The following PATJ variants were observed in gnomAD, a reference collection of about 807,000 sequenced individuals.
PATJ encodes the protein PATJ crumbs cell polarity complex component.
A neutral mutation model predicts 224.9 loss-of-function variants in PATJ; 190 were observed. The ratio of observed to expected loss-of-function variants is 0.84; its 90% CI spans 0.75 to 0.95. The LOEUF is 0.95. PATJ is among the 40% of genes least tolerant of loss of function. The pLI is 0.00. For missense variants in PATJ, 2,121 were observed against 2,270.3 expected (o/e 0.93, Z 1.34); for synonymous variants, 769 against 820.3 (o/e 0.94, Z 1.07).
chr1:62,083,500 G>T (rs1037516535), intron 32 of PATJ, among the ~76,000 whole-genome samples: 1 of 151,776 alleles, frequency 6.6e-6, no homozygotes, highest in East Asian at 1.9e-4. Flanking sequence ...ATAAACAGGT[G>T]TTAGTAAACA....
chr1:61,814,130 CTTTTT>C (rs762502160), intron 14 of PATJ, among the ~76,000 whole-genome samples: 9 of 85,912 alleles, frequency 1.0e-4, no homozygotes, highest in African/African-American at 2.9e-4. Context: ...TTATTCTCTT[CTTTTT>C]TTTTTTTTTT....
At chr1:61,836,408 T>C (rs923490070) in intron 17 of PATJ, among the ~76,000 whole-genome samples, 1 of 152,252 alleles carries the variant, frequency 6.6e-6, no homozygotes, top group Admixed American at 6.5e-5. Context: ...GTGCTTCTTA[T>C]AGAACATAAC....
chr1:62,039,046 A>T (rs1487510322), intron 30 of PATJ: 1 of 958,628 alleles, frequency 1.0e-6, no homozygotes. Flanking sequence ...AGCATCAGAT[A>T]ATGGGAACAT....
Position 61,779,114 on chromosome 1 carries a change from T to G in PATJ, c.849+3780T>G, listed in dbSNP as rs562789712. Among the ~76,000 whole-genome samples the G allele has an allele frequency of 6.1e-4, 93 of 152,324 alleles. 1 individual carries two copies. The South Asian group carries it at 0.018, about 30-fold the overall frequency. On this transcript the variant is annotated intron_variant, in intron 7 of 43. Coordinates refer to ENST00000642238, the MANE Select transcript of PATJ (RefSeq NM_001350145.3). ...TATTTTAAAAATTCCTCAGTACCAA[T>G]TTTTGCATATGTATACATTTGTGGA...
At chr1:62,153,533 ATTTCT>A (rs1369340490) in intron 43 of PATJ, 52 bp downstream of exon 43, 127 of 1,163,818 alleles carry the variant, frequency 1.1e-4, no homozygotes, top group Admixed American at 1.3e-4. Flanking sequence ...CCTAGGTGAG[ATTTCT>A]TTTAAGTGCT....
At chr1:61,918,927 C>T (rs1673863509) in intron 26 of PATJ, among the ~76,000 whole-genome samples, 1 of 151,746 alleles carries the variant, frequency 6.6e-6, no homozygotes. Context: ...CACTGCACTC[C>T]AGCCTAGGGG....
At chr1:61,799,703 C>A (rs764251797) in intron 11 of PATJ, among the ~76,000 whole-genome samples, 2 of 152,056 alleles carry the variant, frequency 1.3e-5, no homozygotes, top group Non-Finnish European at 2.9e-5. Context: ...CCCTCACCCC[C>A]GCTCCACCAG....
At chr1:61,772,931 C>T (rs1008862308) in intron 6 of PATJ, among the ~76,000 whole-genome samples, 13 of 152,308 alleles carry the variant, frequency 8.5e-5, no homozygotes, top group African/African-American at 2.9e-4. Context: ...ATATTGGCTG[C>T]TATCAGCTGG....
intron 27 of PATJ, among the ~76,000 whole-genome samples, chr1:61,973,687 A>G (rs1472663791): frequency 6.6e-6 from 1 of 151,998 alleles, no homozygotes; most frequent in Non-Finnish European, 1.5e-5. Flanking sequence ...CACTGTAACC[A>G]TAGTGAGCTT....
At chr1:61,771,676 C>A (rs142192355) in intron 6 of PATJ, 50 bp downstream of exon 6, 5 of 1,307,048 alleles carry the variant, frequency 3.8e-6, no homozygotes, top group East Asian at 2.6e-5. Flanking sequence ...TGCCATTGAT[C>A]GTAAGAAGTG....
intron 41 of PATJ, among the ~76,000 whole-genome samples, chr1:62,147,620 G>A (rs937859095): frequency 1.2e-4 from 18 of 152,164 alleles, no homozygotes; most frequent in African/African-American, 4.1e-4. Context: ...CCAACATGGT[G>A]AAACCCCGCC....
rs56401940 is a variant in PATJ at position 62,043,849 on chromosome 1, T to A, written c.4032+5800T>A. Among the ~76,000 whole-genome samples, 100 of 152,174 alleles carry A rather than the reference T, an allele frequency of 6.6e-4. 1 individual carries two copies. Among genetic ancestry groups the A allele is most frequent in the African/African-American group, 2.2e-3 (92 of 41,516 alleles). ...CTCAAATAATATTCCTGCCTCAGCCTCCTGAGCAGCTAGGACTATAGGCAC... is the reference window on the plus strand; with the variant it reads ...CTCAAATAATATTCCTGCCTCAGCCACCTGAGCAGCTAGGACTATAGGCAC... On this transcript the variant is annotated intron_variant, in intron 30 of 43. Coordinates refer to ENST00000642238, the MANE Select transcript of PATJ (RefSeq NM_001350145.3).
chr1:62,149,094 C>G (rs540048048), intron 42 of PATJ, among the ~76,000 whole-genome samples: 19 of 148,662 alleles, frequency 1.3e-4, no homozygotes, highest in African/African-American at 4.2e-4. Flanking sequence ...CACTACTGCA[C>G]TCCAGCCTGG....
intron 21 of PATJ, among the ~76,000 whole-genome samples, chr1:61,880,423 C>G (rs977179864): frequency 2.6e-5 from 4 of 152,186 alleles, no homozygotes; most frequent in Non-Finnish European, 4.4e-5. Flanking sequence ...AGCTTCTTCC[C>G]CCATTAGCCA....
chr1:61,883,919 T>A (rs895997747), intron 21 of PATJ, among the ~76,000 whole-genome samples: 8 of 151,048 alleles, frequency 5.3e-5, no homozygotes, highest in Admixed American at 5.3e-4. Context: ...AAAGCTTAAG[T>A]TGATAAGAGA....
chr1:62,139,916 C>A (rs978862147), intron 41 of PATJ, among the ~76,000 whole-genome samples: 2 of 151,916 alleles, frequency 1.3e-5, no homozygotes, highest in African/African-American at 2.4e-5. Flanking sequence ...TGAACCACCA[C>A]GCCCAGCTAA....
intron 28 of PATJ, among the ~76,000 whole-genome samples, chr1:62,002,418 A>G (rs35597240): frequency 0.21 from 32,432 of 152,098 alleles, 3,653 homozygotes; most frequent in African/African-American, 0.26. Context: ...AAAAGAAAGA[A>G]AAAGAGAGCG....
In PATJ at chr1:62,031,659, A is replaced by G. The variant is rs12090641; in HGVS notation, c.3960-6318A>G. Among the ~76,000 whole-genome samples the G allele has an allele frequency of 1.9e-3, 295 of 152,336 alleles. 1 individual carries two copies. Among genetic ancestry groups the G allele is most frequent in the African/African-American group, 6.8e-3 (282 of 41,590 alleles). Reference sequence around the variant, plus strand: ...AGACATCTGTGGCTCTGGATAGGCTATGAAAATGGGAAACACTGTAGTATA... The same window carrying G: ...AGACATCTGTGGCTCTGGATAGGCTGTGAAAATGGGAAACACTGTAGTATA... On this transcript the variant is annotated intron_variant, in intron 29 of 43. Coordinates refer to ENST00000642238, the MANE Select transcript of PATJ (RefSeq NM_001350145.3).
chr1:61,980,293 T>A (rs1022093762), intron 27 of PATJ, among the ~76,000 whole-genome samples: 5 of 151,830 alleles, frequency 3.3e-5, no homozygotes, highest in South Asian at 4.2e-4. Context: ...TCAAAAAAAA[T>A]AAAAAATAAA....
Sources: allele counts gnomAD v4.1 joint callset (sites outside exome capture counted in the v4.1 genomes callset), GRCh38; gene constraint gnomAD v4.1.1; transcripts MANE v1.5; gene names NCBI Gene and HGNC (gene_info 2026-07-23, HGNC 2026-07-21).